AADAT: variants seen among roughly 807,000 people sequenced by gnomAD.
AADAT encodes aminoadipate aminotransferase.
Under a neutral mutation model 56.2 loss-of-function variants are expected in AADAT, and 25 were observed. That is an observed-to-expected ratio of 0.44 (90% CI 0.32 to 0.62). AADAT has a LOEUF of 0.62. Among genes scored for constraint, AADAT ranks in the 20% least tolerant of loss-of-function variants. The pLI is 0.04. For missense variants in AADAT, 387 were observed against 510.5 expected (o/e 0.76, Z 2.33); for synonymous variants, 173 against 164.7 (o/e 1.05, Z -0.39).
chr4:170,073,624 G>A (rs1487979658), intron 4 of AADAT, among the ~76,000 whole-genome samples: 6 of 151,476 alleles, frequency 4.0e-5, no homozygotes, highest in African/African-American at 1.2e-4. Flanking sequence ...TTAGCCTCCC[G>A]AGTAGCTGGG....
intron 10 of AADAT, 77 bp from the exon 11 acceptor site, chr4:170,064,902 C>A: frequency 7.9e-7 from 1 of 1,261,742 alleles, no homozygotes; most frequent in African/African-American, 1.5e-5. Flanking sequence ...TGTTAAATGG[C>A]ATAAGTATAG....
intron 6 of AADAT, among the ~76,000 whole-genome samples, chr4:170,069,432 T>C (rs1270684210): frequency 6.6e-6 from 1 of 152,194 alleles, no homozygotes; most frequent in Admixed American, 6.5e-5. Flanking sequence ...CTTCATGGCT[T>C]TTCTGCCAAA....
intron 1 of AADAT, 105 bp downstream of exon 1, chr4:170,089,519 G>T: frequency 8.1e-7 from 1 of 1,236,020 alleles, no homozygotes; most frequent in Non-Finnish European, 1.2e-6. Context: ...CGTGCACAGG[G>T]GTACGCATGG....
intron 5 of AADAT, among the ~76,000 whole-genome samples, chr4:170,072,326 G>A (rs1464493664): frequency 6.6e-6 from 1 of 151,628 alleles, no homozygotes; most frequent in Non-Finnish European, 1.5e-5. Flanking sequence ...TTTAGAGTTG[G>A]GGTCTTGCTA....
upstream of AADAT, among the ~76,000 whole-genome samples, chr4:170,092,682 C>G (rs2955256): frequency 6.6e-6 from 1 of 152,076 alleles, no homozygotes; most frequent in Non-Finnish European, 1.5e-5. Flanking sequence ...AGCTGGGTGT[C>G]TTTGGACAAG....
At chr4:170,066,575 C>A in intron 9 of AADAT, 97 bp from the exon 10 acceptor site, 1 of 892,904 alleles carries the variant, frequency 1.1e-6, no homozygotes, top group Non-Finnish European at 1.8e-6. Flanking sequence ...TGTTTTCTAT[C>A]TTGATTAAAA....
intron 8 of AADAT, 117 bp from the exon 9 acceptor site, chr4:170,067,505 G>C: frequency 1.4e-6 from 1 of 694,174 alleles, no homozygotes; most frequent in Non-Finnish European, 2.5e-6. Context: ...ATAACAAGCT[G>C]AGCCTAGCTT....
intron 3 of AADAT, among the ~76,000 whole-genome samples, chr4:170,085,304 A>G (rs1206691657): frequency 6.6e-6 from 1 of 152,156 alleles, no homozygotes; most frequent in African/African-American, 2.4e-5. Context: ...TTCAAGGGTC[A>G]ACTGTAAATA....
At chr4:170,064,658 A>G in intron 11 of AADAT, 61 bp downstream of exon 11, 6 of 1,337,602 alleles carry the variant, frequency 4.5e-6, no homozygotes, top group South Asian at 1.3e-5. Context: ...TTCAAGCAAA[A>G]TATTAAAGAA....
At chr4:170,073,875 C>T (rs1001787440) in intron 4 of AADAT, among the ~76,000 whole-genome samples, 4 of 152,164 alleles carry the variant, frequency 2.6e-5, no homozygotes, top group Non-Finnish European at 4.4e-5. Context: ...GCCCCGTTTA[C>T]GTCAGGTATG....
intron 3 of AADAT, among the ~76,000 whole-genome samples, chr4:170,082,288 A>AT (rs1016395477): frequency 2.6e-5 from 4 of 152,136 alleles, no homozygotes; most frequent in East Asian, 1.9e-4. Flanking sequence ...AGAATAGAGG[A>AT]TTTTTTTATG....
intron 7 of AADAT, 76 bp from the exon 8 acceptor site, chr4:170,068,763 G>T: frequency 3.1e-6 from 3 of 962,904 alleles, no homozygotes; most frequent in South Asian, 1.7e-5. Context: ...GATTTCATTA[G>T]ACAGACAATT....
upstream of AADAT, among the ~76,000 whole-genome samples, chr4:170,093,058 G>C (rs951872534): frequency 1.1e-4 from 16 of 152,106 alleles, no homozygotes; most frequent in African/African-American, 3.9e-4. Flanking sequence ...ATATGTTGAT[G>C]TTCCTGGGGA....
Position 170,068,573 on chromosome 4 carries a change from T to C in AADAT, c.900+18A>G. The C allele has an allele frequency of 6.4e-7, 1 of 1,554,200 alleles. No homozygotes were observed. ...ATCTGATTACAAAAAAAAAATCGAT[T>C]TCCTAAATTGTCCTTACCTGGTTAA... On this transcript the variant is annotated intron_variant, in intron 8 of 12. Transcript: ENST00000337664.
At chr4:170,092,581 A>G (rs1041727038), upstream of AADAT, among the ~76,000 whole-genome samples, 2 of 152,222 alleles carry the variant, frequency 1.3e-5, no homozygotes, top group Non-Finnish European at 2.9e-5. Flanking sequence ...TTCCAGGCAC[A>G]GTATCTAGTA....
chr4:170,072,535 C>T (rs561807349), intron 5 of AADAT, among the ~76,000 whole-genome samples: 173 of 152,242 alleles, frequency 1.1e-3, no homozygotes, highest in African/African-American at 3.9e-3. Flanking sequence ...TAGAGTTTAA[C>T]ATGGGTTTGG....
chr4:170,090,603 A>T (rs1263374377), upstream of AADAT: 3 of 152,024 alleles, frequency 2.0e-5, no homozygotes, highest in Admixed American at 6.5e-5. Context: ...TGAATTTCTG[A>T]CCTTTCGTTA....
upstream of AADAT, among the ~76,000 whole-genome samples, chr4:170,093,355 G>A (rs534356936): frequency 5.9e-5 from 9 of 151,998 alleles, no homozygotes; most frequent in Admixed American, 6.6e-5. Context: ...TTTCGAACCC[G>A]GGAGGCGGAG....
At chr4:170,081,191 C>T (rs896917952) in intron 3 of AADAT, among the ~76,000 whole-genome samples, 19 of 152,196 alleles carry the variant, frequency 1.2e-4, no homozygotes, top group African/African-American at 4.6e-4. Flanking sequence ...TCATTAGAGG[C>T]TCTCATCATC....
Sources: gnomAD v4.1 joint callset for allele counts (sites outside exome capture counted in the v4.1 genomes callset) on GRCh38, gnomAD v4.1.1 for gene constraint, MANE v1.5 for transcripts, NCBI Gene and HGNC (gene_info 2026-07-23, HGNC 2026-07-21) for gene names.